Variants in PAX5 observed in about 807,000 individuals in gnomAD.
PAX5 encodes the protein paired box protein Pax-5.
In PAX5, 9 loss-of-function variants were observed where a neutral mutation model predicts 43.7. That is an observed-to-expected ratio of 0.21 (90% CI 0.12 to 0.36). The LOEUF (loss-of-function observed/expected upper bound fraction) is 0.36, where lower values mean the gene tolerates loss of function less well. Ranked by LOEUF, PAX5 falls within the 10% of genes least tolerant of loss-of-function variation. The pLI, the probability that PAX5 is intolerant of heterozygous loss-of-function variation, is 1.00. For missense variants in PAX5, 383 were observed against 532.7 expected, an observed-to-expected ratio of 0.72 and a Z score of 2.77; for synonymous variants, 228 against 214.3, an observed-to-expected ratio of 1.06 and a Z score of -0.56.
rs1838829074 is a variant in PAX5, at chr9:37,010,473, A to G, written c.411-3936T>C. ...GCGGTCCCTCTGCTAAATACTTCCTATGTGAGGCATAAAAGCTATTTGGAT... is the reference window on the plus strand; with the variant it reads ...GCGGTCCCTCTGCTAAATACTTCCTGTGTGAGGCATAAAAGCTATTTGGAT... On this transcript the variant is annotated intron_variant, in intron 3 of 9. Coordinates refer to ENST00000358127, the MANE Select transcript of PAX5 (RefSeq NM_016734.3). Among the ~76,000 whole-genome samples, 3 of 152,136 alleles carry G rather than the reference A, an allele frequency of 2.0e-5. No individual in the cohort carries two copies. The South Asian group carries it at 6.2e-4, about 31-fold the overall frequency.
chr9:37,032,425 T>A (rs1841075428), intron 1 of PAX5, among the ~76,000 whole-genome samples: 1 of 152,132 alleles, frequency 6.6e-6, no homozygotes, highest in African/African-American at 2.4e-5. Flanking sequence ...AGAAGCCCAC[T>A]GCCAGGGAGA....
At chr9:36,997,770 G>A (rs3758173) in intron 5 of PAX5, among the ~76,000 whole-genome samples, 1 of 152,262 alleles carries the variant, frequency 6.6e-6, no homozygotes, top group South Asian at 2.1e-4. Context: ...CCAGGCATCC[G>A]TGTGAACCGG....
intron 1 of PAX5, among the ~76,000 whole-genome samples, 198 bp downstream of exon 1, chr9:37,033,788 A>G (rs1324128478): frequency 6.6e-6 from 1 of 152,250 alleles, no homozygotes; most frequent in Non-Finnish European, 1.5e-5. Context: ...AGAAAAACAC[A>G]GACAAACTCA....
chr9:36,956,816 T>C (rs2039217), intron 6 of PAX5, among the ~76,000 whole-genome samples: 109,826 of 152,078 alleles, frequency 0.72, 40,129 homozygotes, highest in South Asian at 0.83. Flanking sequence ...ATAGAATAAA[T>C]AGAATAAGGG....
intron 6 of PAX5, among the ~76,000 whole-genome samples, chr9:36,931,815 C>G (rs973098289): frequency 6.9e-6 from 1 of 145,568 alleles, no homozygotes; most frequent in African/African-American, 2.6e-5. Context: ...CGAGCCACTG[C>G]ATTCCAGCCT....
At position 36,976,077 on chromosome 9, in the gene PAX5, G is replaced by A. The variant is rs80314372; in HGVS notation, c.605-9353C>T. 9.9e-3 allele frequency among the ~76,000 whole-genome samples: 1,513 copies of A among 152,246 alleles called. 14 individuals are homozygous for A. Among genetic ancestry groups the A allele is most frequent in the Non-Finnish European group, 0.015 (1,008 of 68,016 alleles). ...CTATTATATCAGTGATCTCAGAGGA[G>A]GAAAAAGTGAAACAACTAAGAGTTT... is the stretch of plus-strand genomic sequence containing the variant. On this transcript the variant is annotated intron_variant, in intron 5 of 9. Coordinates refer to ENST00000358127, the MANE Select transcript of PAX5 (RefSeq NM_016734.3).
chr9:37,013,706 C>T (rs1357733462), intron 3 of PAX5, among the ~76,000 whole-genome samples: 1 of 152,292 alleles, frequency 6.6e-6, no homozygotes, highest in African/African-American at 2.4e-5. Context: ...GAACCCCACC[C>T]TGGACAAAGA....
intron 8 of PAX5, among the ~76,000 whole-genome samples, chr9:36,853,414 G>A (rs374962813): frequency 3.9e-5 from 6 of 152,076 alleles, no homozygotes; most frequent in African/African-American, 9.7e-5. Context: ...TTGACCAACC[G>A]AGAACCCAGC....
chr9:36,939,483 A>C (rs1831850525), intron 6 of PAX5, among the ~76,000 whole-genome samples: 1 of 152,164 alleles, frequency 6.6e-6, no homozygotes, highest in African/African-American at 2.4e-5. Flanking sequence ...AGCCTCCTAA[A>C]GGGACCCCAA....
chr9:36,904,037 T>C (rs1312361042), intron 7 of PAX5, among the ~76,000 whole-genome samples: 1 of 152,252 alleles, frequency 6.6e-6, no homozygotes, highest in Non-Finnish European at 1.5e-5. Flanking sequence ...CAAGTTTCTA[T>C]GCTTCTCTGT....
At chr9:36,907,168 C>G (rs1828898167) in intron 7 of PAX5, among the ~76,000 whole-genome samples, 1 of 152,164 alleles carries the variant, frequency 6.6e-6, no homozygotes, top group South Asian at 2.1e-4. Context: ...GTTTCTTTAA[C>G]TATTACTTGG....
chr9:36,888,540 GA>G (rs1328265835), intron 7 of PAX5, among the ~76,000 whole-genome samples: 1 of 152,208 alleles, frequency 6.6e-6, no homozygotes, highest in Non-Finnish European at 1.5e-5. Context: ...TGTATTGTGT[GA>G]ATATATTCAT....
At position 36,834,333 on chromosome 9, in the gene PAX5, G is replaced by A. The variant is rs879412717; in HGVS notation, c.*6227C>T. 8.6e-6 allele frequency: 2 copies of A among 233,162 alleles called. No individual in the cohort carries two copies. Among genetic ancestry groups the A allele is most frequent in the African/African-American group, 2.2e-5 (1 of 45,338 alleles). The allele number at this position is 233,162 out of a possible 1,614,324, so 14.4% of individuals were successfully genotyped here. A position where few individuals can be genotyped will look rare whatever the true frequency, so the allele number is the denominator to read the frequency against. ...CTGCTCACCTTCTCTGACCCAAGTCGAAGACAGCAGGCAAGAATTGGCATG... is the reference window on the plus strand; with the variant it reads ...CTGCTCACCTTCTCTGACCCAAGTCAAAGACAGCAGGCAAGAATTGGCATG... On this transcript the variant is annotated 3_prime_UTR_variant, in exon 10 of 10. Coordinates refer to ENST00000358127, the MANE Select transcript of PAX5 (RefSeq NM_016734.3).
chr9:36,843,112 A>G (rs182735225), intron 9 of PAX5, among the ~76,000 whole-genome samples: 2 of 150,580 alleles, frequency 1.3e-5, no homozygotes, highest in East Asian at 3.9e-4. Flanking sequence ...GTGTGAGTGT[A>G]TGAGTGTGAG....
At chr9:36,968,473 G>C (rs1834638031) in intron 5 of PAX5, among the ~76,000 whole-genome samples, 1 of 152,250 alleles carries the variant, frequency 6.6e-6, no homozygotes, top group Admixed American at 6.5e-5. Context: ...GAAGTCAACA[G>C]GCTCAGAGGA....
intron 6 of PAX5, among the ~76,000 whole-genome samples, chr9:36,929,833 C>T (rs974528585): frequency 6.6e-6 from 1 of 152,192 alleles, no homozygotes; most frequent in Non-Finnish European, 1.5e-5. Context: ...TTCAGTGATT[C>T]TCCCGTCTCA....
At chr9:36,992,662 C>A (rs1837044471) in intron 5 of PAX5, among the ~76,000 whole-genome samples, 1 of 152,228 alleles carries the variant, frequency 6.6e-6, no homozygotes, top group Admixed American at 6.5e-5. Context: ...CTTGTCACTC[C>A]CTCCTCAGCT....
intron 7 of PAX5, among the ~76,000 whole-genome samples, chr9:36,900,507 T>G (rs1376873471): frequency 6.6e-6 from 1 of 151,982 alleles, no homozygotes; most frequent in East Asian, 1.9e-4. Context: ...AGAAAATCCC[T>G]TTTCTGCTTA....
At chr9:36,984,368 G>A (rs1285940280) in intron 5 of PAX5, among the ~76,000 whole-genome samples, 1 of 151,542 alleles carries the variant, frequency 6.6e-6, no homozygotes, top group East Asian at 1.9e-4. Flanking sequence ...AAAACAGAGT[G>A]CTTGGGTTTG....
Sources: allele counts gnomAD v4.1 joint callset (sites outside exome capture counted in the v4.1 genomes callset), GRCh38; gene constraint gnomAD v4.1.1; transcripts MANE v1.5; gene names NCBI Gene and HGNC (gene_info 2026-07-23, HGNC 2026-07-21).